Variants in SIPA1L3 observed in about 807,000 individuals in gnomAD.
SIPA1L3 encodes signal-induced proliferation-associated 1-like protein 3.
Under a neutral mutation model 150.1 loss-of-function variants are expected in SIPA1L3, and 59 were observed. The observed-to-expected ratio is 0.39, with a 90% CI of 0.32 to 0.49. The LOEUF is 0.49. Among genes scored for constraint, SIPA1L3 ranks in the 20% least tolerant of loss-of-function variants. SIPA1L3 has a pLI of 0.86. For missense variants in SIPA1L3, 2,211 were observed against 2,489.5 expected (o/e 0.89, Z 2.38); for synonymous variants, 1,070 against 1,077.6 (o/e 0.99, Z 0.14).
chr19:38,061,208 A>G (rs891167836), intron 2 of SIPA1L3, among the ~76,000 whole-genome samples: 3 of 150,860 alleles, frequency 2.0e-5, no homozygotes, highest in Non-Finnish European at 2.9e-5. Flanking sequence ...TATTTAGCAC[A>G]TGGTTTGGTA....
chr19:37,973,768 T>C (rs1264112443), intron 1 of SIPA1L3, among the ~76,000 whole-genome samples: 1 of 152,126 alleles, frequency 6.6e-6, no homozygotes, highest in Non-Finnish European at 1.5e-5. Flanking sequence ...GGATCCTAGT[T>C]GAAGTTATGA....
chr19:37,992,893 G>T (rs144723170), intron 1 of SIPA1L3, among the ~76,000 whole-genome samples: 12 of 152,274 alleles, frequency 7.9e-5, no homozygotes, highest in East Asian at 3.9e-4. Flanking sequence ...GGTCGCCTAC[G>T]TGCTGGCTCT....
chr19:38,073,694 C>T (rs1969772603), intron 2 of SIPA1L3, among the ~76,000 whole-genome samples: 1 of 152,152 alleles, frequency 6.6e-6, no homozygotes, highest in Non-Finnish European at 1.5e-5. Flanking sequence ...AGGGAGGGAG[C>T]CAAGGAAGCC....
intron 9 of SIPA1L3, among the ~76,000 whole-genome samples, chr19:38,124,645 G>A (rs1407142713): frequency 7.9e-5 from 12 of 152,224 alleles, no homozygotes; most frequent in Admixed American, 6.5e-5. Flanking sequence ...GGAGGCCAAG[G>A]CAGGCGGCTG....
intron 2 of SIPA1L3, among the ~76,000 whole-genome samples, chr19:38,052,920 T>C (rs746577936): frequency 6.6e-6 from 1 of 152,200 alleles, no homozygotes; most frequent in African/African-American, 2.4e-5. Flanking sequence ...AAAGCCCTCC[T>C]GAGGACACCG....
chr19:38,193,527 C>T lies in SIPA1L3; in HGVS notation c.4597-10C>T, dbSNP rs752115661. ...GTGACCTCCCCCAACATCCCACCCA[C>T]GCCCCACAGCAGTCACCGCAGAAGG... On this transcript the variant is annotated splice_polypyrimidine_tract_variant and intron_variant, in intron 17 of 21. Transcript: ENST00000222345. 40 of 1,448,182 alleles carry T rather than the reference C, an allele frequency of 2.8e-5. No individual in the cohort carries two copies. The highest frequency in any genetic ancestry group is 1.1e-4 in the Admixed American group (4 of 37,260). 89.7% of individuals were successfully genotyped at this position (1,448,182 alleles called of 1,614,324 possible). A position where few individuals can be genotyped will look rare whatever the true frequency, so the allele number is the denominator to read the frequency against.
At chr19:37,974,163 G>A (rs1408000906) in intron 1 of SIPA1L3, among the ~76,000 whole-genome samples, 2 of 152,118 alleles carry the variant, frequency 1.3e-5, no homozygotes, top group African/African-American at 4.8e-5. Context: ...CTTATGAGAT[G>A]GGTCCTGCCA....
intron 1 of SIPA1L3, among the ~76,000 whole-genome samples, chr19:37,946,360 T>G (rs1043264733): frequency 1.6e-4 from 25 of 152,044 alleles, no homozygotes; most frequent in Admixed American, 1.3e-3. Context: ...CTTGAACTCC[T>G]GGCCTCAAGC....
chr19:38,082,654 G>C lies in SIPA1L3; in HGVS notation c.1089G>C (p.Ser363=). ...CGGCCGCCAACAGGGTGTCGGTGTCGCAGCGGCGGAACACCACCACGGGTG... is the reference window on the plus strand; with the variant it reads ...CGGCCGCCAACAGGGTGTCGGTGTCCCAGCGGCGGAACACCACCACGGGTG... ...NEAAANRVSV[S]QRRNTTTGAS... The change falls in exon 3 of 22, where the codon TCG becomes TCC. Residue 363 remains serine (S), a synonymous_variant. Coordinates refer to ENST00000222345, the MANE Select transcript of SIPA1L3 (RefSeq NM_015073.3). The C allele has an allele frequency of 6.2e-7, 1 of 1,607,038 alleles. No homozygotes were observed. The highest frequency in any genetic ancestry group is 8.5e-7 in the Non-Finnish European group (1 of 1,179,650).
chr19:38,127,571 G>A (rs918940819), intron 9 of SIPA1L3, among the ~76,000 whole-genome samples: 1 of 152,032 alleles, frequency 6.6e-6, no homozygotes, highest in African/African-American at 2.4e-5. Flanking sequence ...GCTCACTGCA[G>A]TGTCACTCTC....
intron 1 of SIPA1L3, among the ~76,000 whole-genome samples, chr19:37,920,704 T>A (rs1315283364): frequency 6.6e-6 from 1 of 152,224 alleles, no homozygotes; most frequent in Non-Finnish European, 1.5e-5. Flanking sequence ...ATACAAATGT[T>A]TGCTTTTTTC....
chr19:37,984,734 A>ATGT (rs1967301050), intron 1 of SIPA1L3, among the ~76,000 whole-genome samples: 1 of 152,196 alleles, frequency 6.6e-6, no homozygotes, highest in African/African-American at 2.4e-5. Flanking sequence ...GGTGTCATAA[A>ATGT]CGTTAATGAC....
chr19:38,075,432 G>T (rs1052820799), intron 2 of SIPA1L3, among the ~76,000 whole-genome samples: 8 of 151,824 alleles, frequency 5.3e-5, no homozygotes, highest in African/African-American at 1.9e-4. Context: ...CTCCAGCCTG[G>T]GTGACAGAGT....
chr19:37,989,703 T>A (rs1372919596), intron 1 of SIPA1L3, among the ~76,000 whole-genome samples: 1 of 148,820 alleles, frequency 6.7e-6, no homozygotes, highest in Non-Finnish European at 1.5e-5. Flanking sequence ...TCTCGCTCTG[T>A]CACCCAGGCT....
At chr19:38,031,904 C>T (rs1458633579) in intron 2 of SIPA1L3, among the ~76,000 whole-genome samples, 4 of 152,154 alleles carry the variant, frequency 2.6e-5, no homozygotes, top group East Asian at 1.9e-4. Flanking sequence ...GAGCTGAGAT[C>T]GTGCCACTGC....
At chr19:38,036,957 C>G (rs1968806376) in intron 2 of SIPA1L3, among the ~76,000 whole-genome samples, 1 of 152,166 alleles carries the variant, frequency 6.6e-6, no homozygotes, top group African/African-American at 2.4e-5. Context: ...TCCACCTGCA[C>G]CCAGAACTGT....
intron 2 of SIPA1L3, among the ~76,000 whole-genome samples, chr19:38,075,378 C>A (rs1969815423): frequency 6.6e-6 from 1 of 151,928 alleles, no homozygotes; most frequent in Non-Finnish European, 1.5e-5. Context: ...ATCGCTTGAA[C>A]CCGGGAGGCG....
intron 1 of SIPA1L3, among the ~76,000 whole-genome samples, chr19:37,956,576 C>T (rs1336633097): frequency 1.3e-5 from 2 of 151,184 alleles, no homozygotes; most frequent in East Asian, 1.9e-4. Context: ...CTCTGCCTCC[C>T]GGGTTCAAGC....
intron 7 of SIPA1L3, among the ~76,000 whole-genome samples, chr19:38,107,696 G>T (rs1970652888): frequency 6.6e-6 from 1 of 152,232 alleles, no homozygotes; most frequent in African/African-American, 2.4e-5. Flanking sequence ...TTGGTCTTAG[G>T]CCAGGCTTGG....
Sources: allele counts gnomAD v4.1 joint callset (sites outside exome capture counted in the v4.1 genomes callset), GRCh38; gene constraint gnomAD v4.1.1; transcripts MANE v1.5; gene names NCBI Gene and HGNC (gene_info 2026-07-23, HGNC 2026-07-21).